Variants in YEATS2 observed in about 807,000 individuals in gnomAD.
YEATS2 encodes YEATS domain-containing protein 2.
In YEATS2, 77 loss-of-function variants were observed where a neutral mutation model predicts 163.2. The ratio of observed to expected loss-of-function variants is 0.47; its 90% CI spans 0.39 to 0.57. The LOEUF (loss-of-function observed/expected upper bound fraction) is 0.57. Among genes scored for constraint, YEATS2 ranks in the 20% least tolerant of loss-of-function variants. The probability of loss-of-function intolerance (pLI) is 0.00; values close to 1 mark genes in which losing one functional copy is unlikely to be tolerated. For missense variants in YEATS2, 1,549 were observed against 1,729.8 expected, an observed-to-expected ratio of 0.90 and a Z score of 1.85; for synonymous variants, 631 against 645.1, an observed-to-expected ratio of 0.98 and a Z score of 0.33.
chr3:183,795,455 A>ATTTTT (rs573338439), intron 21 of YEATS2, among the ~76,000 whole-genome samples: 5 of 79,900 alleles, frequency 6.3e-5, no homozygotes, highest in African/African-American at 2.2e-4. Context: ...CACGGGACTA[A>ATTTTT]TTTTTTTTTT....
rs76071288 is a variant in YEATS2 at position 183,763,191 on chromosome 3, A to G, written c.1947+912A>G. ...CATTAGGTGATTTTGTTGTGTGAAC[A>G]TCGCAGTGTACTTAAATCCAGATAG... is the stretch of plus-strand genomic sequence containing the variant. On this transcript the variant is annotated intron_variant, in intron 15 of 30. Transcript: ENST00000305135. Among the ~76,000 whole-genome samples the G allele has an allele frequency of 2.4e-3, 363 of 152,352 alleles. 2 individuals are homozygous for G. Among genetic ancestry groups the G allele is most frequent in the African/African-American group, 8.5e-3 (352 of 41,582 alleles).
At chr3:183,799,994 G>A (rs1405132157) in intron 23 of YEATS2, among the ~76,000 whole-genome samples, 2 of 151,744 alleles carry the variant, frequency 1.3e-5, no homozygotes, top group Non-Finnish European at 2.9e-5. Context: ...CACCACGCCC[G>A]GCTAATTTTT....
In YEATS2 at chr3:183,810,598, C is replaced by T; in HGVS notation, c.*15C>T. 6.2e-7 allele frequency: 1 copy of T among 1,609,294 alleles called. No homozygotes were observed. Among genetic ancestry groups the T allele is most frequent in the South Asian group, 1.1e-5 (1 of 90,820 alleles). ...AGGACCAGTGAGCGGAGTGAGGTGC[C>T]CTGGAGAAGCAGGCTTTGAAGGCAC... is the stretch of plus-strand genomic sequence containing the variant. On this transcript the variant is annotated 3_prime_UTR_variant, in exon 31 of 31. Coordinates refer to ENST00000305135, the MANE Select transcript of YEATS2 (RefSeq NM_018023.5).
chr3:183,754,152 C>T lies in YEATS2; in HGVS notation c.1177C>T (p.Arg393Ter). 2 of 1,595,520 alleles carry T rather than the reference C, an allele frequency of 1.3e-6. No homozygotes were observed. Among genetic ancestry groups the T allele is most frequent in the South Asian group, 2.2e-5 (2 of 89,542 alleles). The change falls in exon 11 of 31, where the codon CGA (arginine) becomes TGA (stop). Residue 393 changes from arginine to a stop codon, truncating the protein, a stop_gained. Transcript: ENST00000305135. LOFTEE classifies it high-confidence loss of function. ...ATTCCCAGCTAGCACTGAAGCTGAA[C>T]GACACACTCCGTTTTATGCTTTGCC... ...KGFPASTEAERHTPFYALPSS... is the reference protein window; with the variant it reads ...KGFPASTEAE
chr3:183,798,033 C>T lies in YEATS2; in HGVS notation c.3208C>T (p.Leu1070=). The T allele has an allele frequency of 6.2e-7, 1 of 1,613,988 alleles. No homozygotes were observed. The highest frequency in any genetic ancestry group is 1.1e-5 in the South Asian group (1 of 91,076). The stretch of plus-strand genomic sequence containing the variant: ...CACATCTGGAGGGGTGCAGACGATC[C>T]TGATGCCTGTGAATAAAGGTGAGTC... ...VNTSGGVQTI[L]MPVNKVVQSF... The change falls in exon 22 of 31, where the codon CTG becomes TTG. Residue 1070 remains leucine, a synonymous_variant. Coordinates refer to ENST00000305135, the MANE Select transcript of YEATS2 (RefSeq NM_018023.5).
intron 11 of YEATS2, among the ~76,000 whole-genome samples, chr3:183,755,930 G>A (rs138655740): frequency 6.6e-6 from 1 of 151,648 alleles, no homozygotes; most frequent in South Asian, 2.1e-4. Context: ...ATTTTTAGTA[G>A]AGACAGGGTT....
At chr3:183,779,261 T>A (rs1210776420) in intron 19 of YEATS2, among the ~76,000 whole-genome samples, 1 of 152,230 alleles carries the variant, frequency 6.6e-6, no homozygotes, top group African/African-American at 2.4e-5. Context: ...TTGATCAGTC[T>A]AGCTAGAGGT....
chr3:183,787,863 C>G (rs2582078), intron 20 of YEATS2, among the ~76,000 whole-genome samples: 3 of 150,860 alleles, frequency 2.0e-5, no homozygotes, highest in Admixed American at 6.6e-5. Flanking sequence ...ATTAGCGGGG[C>G]GTGGTGACGG....
chr3:183,712,683 A>G (rs1715394368), intron 1 of YEATS2, among the ~76,000 whole-genome samples: 1 of 152,128 alleles, frequency 6.6e-6, no homozygotes, highest in Admixed American at 6.6e-5. Context: ...ATCTTAATCA[A>G]TAGATCCAGG....
chr3:183,748,472 G>A (rs918690828), intron 9 of YEATS2, among the ~76,000 whole-genome samples: 4 of 151,944 alleles, frequency 2.6e-5, no homozygotes, highest in African/African-American at 4.8e-5. Context: ...GGCTGCTCTC[G>A]AACTGCTGAC....
At chr3:183,778,123 A>G (rs531137025) in intron 19 of YEATS2, among the ~76,000 whole-genome samples, 3 of 148,622 alleles carry the variant, frequency 2.0e-5, no homozygotes, top group South Asian at 2.1e-4. Flanking sequence ...AAAAAAAAAA[A>G]AAAAAGAAAA....
intron 5 of YEATS2, among the ~76,000 whole-genome samples, chr3:183,724,017 T>C (rs1191151206): frequency 6.6e-6 from 1 of 152,248 alleles, no homozygotes; most frequent in Non-Finnish European, 1.5e-5. Flanking sequence ...GCATTTACTA[T>C]GTACCAGGCA....
At position 183,736,007 on chromosome 3, in the gene YEATS2, T is replaced by C. The variant is rs371721474; in HGVS notation, c.813-711T>C. Among the ~76,000 whole-genome samples the C allele has an allele frequency of 1.4e-4, 22 of 152,342 alleles. 1 individual carries two copies. The highest frequency in any genetic ancestry group is 9.2e-4 in the Admixed American group (14 of 15,290). ...ATTAAATTTCTAAATTTTTTTATTA[T>C]GGAAAATTTCAGACATATATGGAAG... On this transcript the variant is annotated intron_variant, in intron 7 of 30. Coordinates refer to ENST00000305135, the MANE Select transcript of YEATS2 (RefSeq NM_018023.5).
intron 28 of YEATS2, chr3:183,807,455 C>G (rs1187673499): frequency 1.0e-5 from 3 of 294,500 alleles, no homozygotes. Flanking sequence ...ACGTCGTACT[C>G]TTTCTGAGTT....
intron 1 of YEATS2, among the ~76,000 whole-genome samples, chr3:183,712,661 A>G (rs931990364): frequency 7.2e-5 from 11 of 152,114 alleles, no homozygotes; most frequent in African/African-American, 2.7e-4. Flanking sequence ...ACCACCCTGG[A>G]CCTGTTTCCT....
chr3:183,714,447 C>G (rs557497963), intron 1 of YEATS2, among the ~76,000 whole-genome samples: 1 of 149,822 alleles, frequency 6.7e-6, no homozygotes, highest in African/African-American at 2.5e-5. Context: ...CCGCCCACCT[C>G]GGCCTCCCAA....
At chr3:183,764,125 A>G (rs1721655964) in intron 15 of YEATS2, among the ~76,000 whole-genome samples, 1 of 152,128 alleles carries the variant, frequency 6.6e-6, no homozygotes, top group African/African-American at 2.4e-5. Flanking sequence ...TAATCCCAGC[A>G]CTTTGAGAGG....
At chr3:183,736,230 G>A (rs1718326921) in intron 7 of YEATS2, among the ~76,000 whole-genome samples, 2 of 152,112 alleles carry the variant, frequency 1.3e-5, no homozygotes, top group Non-Finnish European at 2.9e-5. Context: ...AGGTCATATT[G>A]TGAACATATG....
intron 9 of YEATS2, among the ~76,000 whole-genome samples, chr3:183,750,919 A>G (rs906083314): frequency 1.3e-5 from 2 of 152,080 alleles, no homozygotes; most frequent in African/African-American, 2.4e-5. Flanking sequence ...CACTCTGTTG[A>G]TTGTGTCCTT....
Sources: gnomAD v4.1 joint callset for allele counts (sites outside exome capture counted in the v4.1 genomes callset) on GRCh38, gnomAD v4.1.1 for gene constraint, MANE v1.5 for transcripts, NCBI Gene and HGNC (gene_info 2026-07-23, HGNC 2026-07-21) for gene names.